ATE1: variants seen among roughly 807,000 people sequenced by gnomAD.
ATE1 encodes the protein arginyltransferase 1, also known as arginyl-tRNA--protein transferase 1.
ATE1 carries 36 observed loss-of-function variants against 70.5 expected under a neutral mutation model. The observed-to-expected ratio is 0.51, with a 90% confidence interval of 0.39 to 0.67. The LOEUF is 0.67. Among genes scored for constraint, ATE1 ranks in the 30% least tolerant of loss-of-function variants. The pLI, the probability that ATE1 is intolerant of heterozygous loss-of-function variation, is 0.00. For synonymous variants in ATE1, 232 were observed against 219.3 expected (o/e 1.06, Z -0.51); for missense variants, 593 against 629.5 (o/e 0.94, Z 0.62).
chr10:121,767,240 C>T (rs1054934326), intron 11 of ATE1, among the ~76,000 whole-genome samples: 12 of 152,066 alleles, frequency 7.9e-5, no homozygotes, highest in Admixed American at 7.2e-4. Flanking sequence ...TGGAGGGGAA[C>T]GTCTTCAACT....
intron 8 of ATE1, among the ~76,000 whole-genome samples, chr10:121,848,337 C>A (rs1033007979): frequency 1.3e-5 from 2 of 151,906 alleles, no homozygotes; most frequent in African/African-American, 4.8e-5. Context: ...TATTTATCGG[C>A]TGGGTGTGGT....
intron 7 of ATE1, among the ~76,000 whole-genome samples, chr10:121,897,764 T>TG (rs1243324709): frequency 6.7e-6 from 1 of 149,482 alleles, no homozygotes; most frequent in Non-Finnish European, 1.5e-5. Flanking sequence ...AGGTGGAGGT[T>TG]GCAGTGAGCA....
Position 121,743,836 on chromosome 10 carries a change from T to A in ATE1, c.1401A>T (p.Glu467Asp). ...TGTGAAACACCTGCAATCGGTCAGG[T>A]TCCGTACTGCGATCCTCATCCACTG... ...PEAVDEDRST[E>D]PDRLQVFHKR... The change falls in exon 12 of 12, where the codon GAA becomes GAT. Residue 467 changes from glutamate (E) to aspartate (D), a missense_variant. Transcript: ENST00000224652. The A allele has an allele frequency of 6.2e-7, 1 of 1,612,784 alleles. No homozygotes were observed. Among genetic ancestry groups the A allele is most frequent in the Non-Finnish European group, 8.5e-7 (1 of 1,179,582 alleles).
At chr10:121,745,120 T>TA (rs1944296819) in intron 11 of ATE1, among the ~76,000 whole-genome samples, 1 of 152,222 alleles carries the variant, frequency 6.6e-6, no homozygotes, top group Non-Finnish European at 1.5e-5. Flanking sequence ...ACATTACAAA[T>TA]AAACTATCTT....
chr10:121,854,532 C>T (rs1949173255), intron 8 of ATE1, among the ~76,000 whole-genome samples: 1 of 152,184 alleles, frequency 6.6e-6, no homozygotes, highest in Non-Finnish European at 1.5e-5. Flanking sequence ...TTTCTTGGCT[C>T]CCAAAGAGAT....
At chr10:121,878,928 A>C (rs1397612091) in intron 7 of ATE1, among the ~76,000 whole-genome samples, 1 of 152,216 alleles carries the variant, frequency 6.6e-6, no homozygotes, top group Non-Finnish European at 1.5e-5. Flanking sequence ...CAATACCATT[A>C]ACCAGAACTC....
At chr10:121,853,979 T>C (rs147714537) in intron 8 of ATE1, among the ~76,000 whole-genome samples, 57 of 152,324 alleles carry the variant, frequency 3.7e-4, no homozygotes, top group Non-Finnish European at 7.6e-4. Flanking sequence ...TATAACATAA[T>C]CACTTTCCAA....
intron 7 of ATE1, among the ~76,000 whole-genome samples, chr10:121,893,953 T>C (rs945953211): frequency 4.6e-5 from 7 of 151,742 alleles, no homozygotes; most frequent in African/African-American, 1.5e-4. Context: ...GCCTGACCAA[T>C]ATGAAGAAAC....
chr10:121,916,979 C>T (rs905024531), intron 3 of ATE1, among the ~76,000 whole-genome samples: 1 of 151,994 alleles, frequency 6.6e-6, no homozygotes, highest in Non-Finnish European at 1.5e-5. Flanking sequence ...GCCTGGCCAA[C>T]ATGATGAAAC....
Position 121,801,363 on chromosome 10 carries a change from A to G in ATE1, c.1258-11074T>C, listed in dbSNP as rs577091712. 3.5e-3 allele frequency among the ~76,000 whole-genome samples: 530 copies of G among 152,272 alleles called. 2 individuals carry two copies. Among genetic ancestry groups the G allele is most frequent in the African/African-American group, 7.6e-3 (316 of 41,560 alleles). On this transcript the variant is annotated intron_variant, in intron 10 of 11. Transcript: ENST00000224652. The stretch of plus-strand genomic sequence containing the variant: ...TCAAGATTCTAATTCAGTTTTAATC[A>G]CAATCTTTGCTTTTATTTTGGAAAC...
chr10:121,913,110 A>T (rs1054723740), intron 4 of ATE1, among the ~76,000 whole-genome samples: 2 of 152,112 alleles, frequency 1.3e-5, no homozygotes, highest in Non-Finnish European at 2.9e-5. Flanking sequence ...CCATCTCCTG[A>T]CCTCATGATC....
intron 11 of ATE1, among the ~76,000 whole-genome samples, chr10:121,745,490 G>A (rs1245763672): frequency 6.6e-6 from 1 of 152,024 alleles, no homozygotes; most frequent in Non-Finnish European, 1.5e-5. Context: ...GCCAAGGTGG[G>A]CAAATCACGA....
At chr10:121,806,520 G>T (rs1947104550) in intron 10 of ATE1, among the ~76,000 whole-genome samples, 1 of 152,012 alleles carries the variant, frequency 6.6e-6, no homozygotes, top group Non-Finnish European at 1.5e-5. Context: ...ATTGAGGGGG[G>T]GAAAGAATAA....
At chr10:121,749,797 A>C (rs918333879) in intron 11 of ATE1, among the ~76,000 whole-genome samples, 11 of 152,192 alleles carry the variant, frequency 7.2e-5, no homozygotes, top group African/African-American at 2.7e-4. Flanking sequence ...GTGTTTTAAC[A>C]ATTTCATAAA....
At chr10:121,849,906 C>A (rs185390553) in intron 8 of ATE1, among the ~76,000 whole-genome samples, 323 of 151,792 alleles carry the variant, frequency 2.1e-3, no homozygotes, top group Admixed American at 3.5e-3. Context: ...ATACCATAAA[C>A]TGATTTAACA....
intron 11 of ATE1, among the ~76,000 whole-genome samples, chr10:121,757,308 T>C (rs1281139315): frequency 6.6e-6 from 1 of 152,170 alleles, no homozygotes; most frequent in East Asian, 1.9e-4. Flanking sequence ...ATCCAACAAA[T>C]CTCTAGGAAG....
At chr10:121,787,791 G>A (rs1173236885) in intron 11 of ATE1, among the ~76,000 whole-genome samples, 1 of 152,050 alleles carries the variant, frequency 6.6e-6, no homozygotes, top group Non-Finnish European at 1.5e-5. Flanking sequence ...ATTTATTCTG[G>A]AAAATAATTT....
chr10:121,868,940 T>C (rs1384917265), intron 8 of ATE1, among the ~76,000 whole-genome samples: 3 of 152,150 alleles, frequency 2.0e-5, no homozygotes, highest in Non-Finnish European at 4.4e-5. Context: ...AAAGCAGAAA[T>C]GGTCTCAGGA....
At chr10:121,827,714 A>G (rs1299390250) in intron 10 of ATE1, among the ~76,000 whole-genome samples, 1 of 152,362 alleles carries the variant, frequency 6.6e-6, no homozygotes, top group African/African-American at 2.4e-5. Flanking sequence ...ACCTGTCATT[A>G]AATTATTTTG....
Sources: gnomAD v4.1 joint callset for allele counts (sites outside exome capture counted in the v4.1 genomes callset) on GRCh38, gnomAD v4.1.1 for gene constraint, MANE v1.5 for transcripts, NCBI Gene and HGNC (gene_info 2026-07-23, HGNC 2026-07-21) for gene names.